Variants in RANBP2 observed in about 807,000 individuals in gnomAD.
RANBP2 encodes the protein RAN binding protein 2.
A neutral mutation model predicts 303.6 loss-of-function variants in RANBP2; 57 were observed. The ratio of observed to expected loss-of-function variants is 0.19; its 90% CI spans 0.15 to 0.23. RANBP2 has a LOEUF of 0.23. Among genes scored for constraint, RANBP2 ranks in the 10% least tolerant of loss-of-function variants. The pLI is 1.00. For missense variants in RANBP2, 3,138 were observed against 3,780.8 expected, an observed-to-expected ratio of 0.83 and a Z score of 4.46; for synonymous variants, 1,167 against 1,301.5, an observed-to-expected ratio of 0.90 and a Z score of 2.23.
the RANBP2 span, among the ~76,000 whole-genome samples, chr2:109,125,306 G>A: frequency 2.0e-5 from 3 of 152,176 alleles, no homozygotes; most frequent in African/African-American, 7.2e-5. Flanking sequence ...GAGTTGGTGG[G>A]GGGGTTAGAA....
chr2:109,459,295 C>G, the RANBP2 span, among the ~76,000 whole-genome samples: 2,590 of 152,122 alleles, frequency 0.017, 76 homozygotes, highest in African/African-American at 0.06. Flanking sequence ...AGTTACAATC[C>G]TCATTTCTGT....
the RANBP2 span, among the ~76,000 whole-genome samples, chr2:109,585,493 G>C: frequency 0.13 from 20,469 of 152,156 alleles, 1,857 homozygotes; most frequent in African/African-American, 0.26. Flanking sequence ...CATAGAGTAA[G>C]TGTGCTAAGC....
rs1047925271 is a variant in RANBP2 at position 108,785,000 on chromosome 2, A to C, written c.*1099A>C. On this transcript the variant is annotated 3_prime_UTR_variant, in exon 29 of 29. Transcript: ENST00000283195. ...GAAAAGAGGATGTTCTTATTGGCCT[A>C]CTCAATATGGAACTACAAAGAATCC... The C allele has an allele frequency of 6.6e-6, 1 of 152,196 alleles. No homozygotes were observed. The highest frequency in any genetic ancestry group is 2.4e-5 in the African/African-American group (1 of 41,446). The allele number at this position is 152,196 out of a possible 1,614,324, so 9.4% of individuals were successfully genotyped here.
the RANBP2 span, among the ~76,000 whole-genome samples, chr2:109,163,192 G>A: frequency 6.6e-6 from 1 of 152,188 alleles, no homozygotes; most frequent in Non-Finnish European, 1.5e-5. Flanking sequence ...GGCGGGAATA[G>A]GAACTCGCGG....
At chr2:108,886,045 AT>A in the RANBP2 span, among the ~76,000 whole-genome samples, 96 of 152,242 alleles carry the variant, frequency 6.3e-4, no homozygotes, top group African/African-American at 2.3e-3. Flanking sequence ...TATCTTTGCT[AT>A]TGTGAATAGT....
the RANBP2 span, among the ~76,000 whole-genome samples, chr2:109,629,668 A>G: frequency 6.6e-6 from 1 of 151,824 alleles, no homozygotes; most frequent in South Asian, 2.1e-4. Flanking sequence ...AAAATTAGCC[A>G]GGCATGGTGG....
chr2:108,879,942 G>T, the RANBP2 span, among the ~76,000 whole-genome samples: 1 of 152,078 alleles, frequency 6.6e-6, no homozygotes, highest in African/African-American at 2.4e-5. Flanking sequence ...TTTCAGCAGG[G>T]TGGTGGACTA....
chr2:109,144,944 G>A, the RANBP2 span, among the ~76,000 whole-genome samples: 7 of 152,342 alleles, frequency 4.6e-5, no homozygotes, highest in Non-Finnish European at 7.4e-5. Flanking sequence ...GGGTGAGCGC[G>A]TTCAGTGCCG....
chr2:109,399,091 C>G, the RANBP2 span: 5 of 954,772 alleles, frequency 5.2e-6, no homozygotes, highest in South Asian at 6.8e-5. Context: ...CCTTTGCTGC[C>G]TGGCACTGGG....
At chr2:109,737,475 C>CT in the RANBP2 span, 3,118 of 502,834 alleles carry the variant, frequency 6.2e-3, no homozygotes, top group Middle Eastern at 7.6e-3. Flanking sequence ...TCAGAACCTG[C>CT]TTTTTTTTTT....
chr2:108,928,899 C>T, the RANBP2 span, among the ~76,000 whole-genome samples: 52 of 152,310 alleles, frequency 3.4e-4, no homozygotes, highest in African/African-American at 1.2e-3. Context: ...GTTTCACATG[C>T]GCTACTGCAC....
At chr2:108,984,662 T>G in the RANBP2 span, among the ~76,000 whole-genome samples, 1 of 151,960 alleles carries the variant, frequency 6.6e-6, no homozygotes, top group Non-Finnish European at 1.5e-5. Flanking sequence ...CTGGGCACCT[T>G]CTTTCTACCT....
the RANBP2 span, among the ~76,000 whole-genome samples, chr2:109,163,476 G>T: frequency 1.7e-4 from 21 of 123,510 alleles, no homozygotes; most frequent in Non-Finnish European, 3.1e-4. Context: ...TCGGCTCACT[G>T]CAAGCTCCGC....
the RANBP2 span, among the ~76,000 whole-genome samples, chr2:109,398,260 C>T: frequency 2.0e-5 from 3 of 152,174 alleles, no homozygotes; most frequent in African/African-American, 7.2e-5. Context: ...GTCCCTAGTC[C>T]CTCACTGTCT....
At chr2:109,188,190 G>A in the RANBP2 span, among the ~76,000 whole-genome samples, 1 of 152,224 alleles carries the variant, frequency 6.6e-6, no homozygotes, top group Middle Eastern at 3.2e-3. Flanking sequence ...CTTGCTCCCT[G>A]GGCCCGAAGG....
chr2:109,028,338 C>A, the RANBP2 span, among the ~76,000 whole-genome samples: 1 of 152,200 alleles, frequency 6.6e-6, no homozygotes, highest in Non-Finnish European at 1.5e-5. Flanking sequence ...GACACCTGAG[C>A]CTCAGGGCTA....
At chr2:109,171,509 G>A in the RANBP2 span, among the ~76,000 whole-genome samples, 1 of 152,228 alleles carries the variant, frequency 6.6e-6, no homozygotes, top group Non-Finnish European at 1.5e-5. Context: ...CTGGGCTCGC[G>A]GGTATGGTCA....
Position 108,776,875 on chromosome 2 carries a change from C to T in RANBP2, c.8498-255C>T, listed in dbSNP as rs562768703. Among the ~76,000 whole-genome samples the T allele has an allele frequency of 4.2e-4, 64 of 152,208 alleles. No homozygotes were observed. In the South Asian group the frequency reaches 0.012, roughly 28 times the overall value. ...AATATCTGGCTTAATATAGATAGCT[C>T]TCCTTCTCATTTATAAAAAATAATT... is the stretch of plus-strand genomic sequence containing the variant. On this transcript the variant is annotated intron_variant, in intron 24 of 28. Transcript: ENST00000283195.
chr2:109,400,856 A>G, the RANBP2 span, among the ~76,000 whole-genome samples: 1 of 152,216 alleles, frequency 6.6e-6, no homozygotes, highest in African/African-American at 2.4e-5. Context: ...CCTGGGAGCC[A>G]TATTCCCCAG....
Sources: gnomAD v4.1 joint callset for allele counts (sites outside exome capture counted in the v4.1 genomes callset) on GRCh38, gnomAD v4.1.1 for gene constraint, MANE v1.5 for transcripts, NCBI Gene and HGNC (gene_info 2026-07-23, HGNC 2026-07-21) for gene names.